Variants in CNTNAP2 observed in about 807,000 individuals in gnomAD.
CNTNAP2 encodes the protein contactin-associated protein-like 2.
CNTNAP2 carries 98 observed loss-of-function variants against 155.2 expected under a neutral mutation model. The observed-to-expected ratio is 0.63, with a 90% CI of 0.54 to 0.75. The LOEUF is 0.75. Among genes scored for constraint, CNTNAP2 ranks in the 30% least tolerant of loss-of-function variants. The probability of loss-of-function intolerance (pLI) is 0.00; values close to 1 mark genes in which losing one functional copy is unlikely to be tolerated. For missense variants in CNTNAP2, 1,727 were observed against 1,688.1 expected, an observed-to-expected ratio of 1.02 and a Z score of -0.40; for synonymous variants, 651 against 631.2, an observed-to-expected ratio of 1.03 and a Z score of -0.47.
intron 13 of CNTNAP2, among the ~76,000 whole-genome samples, chr7:147,739,785 T>C (rs984884855): frequency 7.2e-5 from 11 of 152,106 alleles, no homozygotes; most frequent in African/African-American, 2.7e-4. Context: ...ATATCATCAA[T>C]GAAATATATA....
At chr7:147,662,472 T>C (rs1795627791) in intron 13 of CNTNAP2, among the ~76,000 whole-genome samples, 1 of 152,182 alleles carries the variant, frequency 6.6e-6, no homozygotes, top group African/African-American at 2.4e-5. Context: ...TTGGGAAATG[T>C]AGCTAAGCAA....
chr7:147,735,271 T>C (rs1315493714), intron 13 of CNTNAP2, among the ~76,000 whole-genome samples: 4 of 152,204 alleles, frequency 2.6e-5, no homozygotes, highest in Admixed American at 6.5e-5. Flanking sequence ...GTCTTCATTT[T>C]ATTATGTACT....
intron 13 of CNTNAP2, among the ~76,000 whole-genome samples, chr7:147,772,494 A>ATC: frequency 7.1e-6 from 1 of 141,252 alleles, no homozygotes; most frequent in Admixed American, 7.3e-5. Context: ...ACACACACAA[A>ATC]AAAAAAACCA....
At chr7:146,245,287 CAA>C (rs1326091294) in intron 1 of CNTNAP2, among the ~76,000 whole-genome samples, 2 of 152,014 alleles carry the variant, frequency 1.3e-5, no homozygotes, top group Non-Finnish European at 2.9e-5. Flanking sequence ...GGGCCAGGAA[CAA>C]TGGTAATTGT....
chr7:147,987,882 A>T lies in CNTNAP2; in HGVS notation c.2383+9893A>T, dbSNP rs531571512. 3.3e-5 allele frequency among the ~76,000 whole-genome samples: 5 copies of T among 152,126 alleles called. No individual in the cohort carries two copies. In the South Asian group the frequency reaches 1.0e-3, roughly 32 times the overall value. On this transcript the variant is annotated intron_variant, in intron 15 of 23. Coordinates refer to ENST00000361727, the MANE Select transcript of CNTNAP2 (RefSeq NM_014141.6). ...GCTAATTTTTTTATTTTTAGTAGAG[A>T]CAGGGTTTCACCATGTTGGCCAGGC...
intron 1 of CNTNAP2, among the ~76,000 whole-genome samples, chr7:146,145,340 C>A (rs1009047223): frequency 6.6e-6 from 1 of 152,172 alleles, no homozygotes; most frequent in East Asian, 1.9e-4. Flanking sequence ...CCTGGCCTCT[C>A]TTACTTCCAA....
chr7:148,387,040 T>A (rs1413890576), intron 22 of CNTNAP2, among the ~76,000 whole-genome samples: 1 of 152,174 alleles, frequency 6.6e-6, no homozygotes, highest in African/African-American at 2.4e-5. Flanking sequence ...AGAGAGGACT[T>A]ACGGTAGGTT....
At chr7:146,787,644 T>G (rs1273033573) in intron 2 of CNTNAP2, among the ~76,000 whole-genome samples, 2 of 152,122 alleles carry the variant, frequency 1.3e-5, no homozygotes, top group Non-Finnish European at 1.5e-5. Flanking sequence ...AGAACAAACC[T>G]TCCCCCGCGC....
intron 10 of CNTNAP2, among the ~76,000 whole-genome samples, chr7:147,476,462 G>T (rs1313180230): frequency 6.6e-6 from 1 of 151,904 alleles, no homozygotes; most frequent in Non-Finnish European, 1.5e-5. Flanking sequence ...TTTCCCGTTA[G>T]TAGTGTTTGT....
intron 13 of CNTNAP2, among the ~76,000 whole-genome samples, chr7:147,679,996 A>G (rs146627405): frequency 3.4e-4 from 52 of 151,716 alleles, no homozygotes; most frequent in Non-Finnish European, 6.2e-4. Flanking sequence ...TCCACTGGTT[A>G]CAGATTCCAA....
At chr7:148,389,297 G>A (rs1337763441) in intron 22 of CNTNAP2, among the ~76,000 whole-genome samples, 4 of 152,146 alleles carry the variant, frequency 2.6e-5, no homozygotes, top group African/African-American at 7.2e-5. Context: ...TTTCCATGCT[G>A]TTGTCGTGAC....
At chr7:146,817,373 G>A (rs770467348) in intron 2 of CNTNAP2, among the ~76,000 whole-genome samples, 7 of 152,100 alleles carry the variant, frequency 4.6e-5, no homozygotes, top group Non-Finnish European at 8.8e-5. Context: ...TCAGGAGGCT[G>A]AGGCAGGAGA....
intron 9 of CNTNAP2, among the ~76,000 whole-genome samples, chr7:147,376,575 TAAA>T (rs1055248466): frequency 2.7e-4 from 41 of 152,140 alleles, no homozygotes; most frequent in African/African-American, 9.6e-4. Context: ...TGTGTTGTCT[TAAA>T]ATATTTTTTG....
At chr7:147,367,348 G>C (rs1486197541) in intron 9 of CNTNAP2, among the ~76,000 whole-genome samples, 1 of 152,146 alleles carries the variant, frequency 6.6e-6, no homozygotes, top group South Asian at 2.1e-4. Context: ...GGCAGCTGTT[G>C]TCTCCTTTGC....
chr7:147,266,937 G>C (rs529558957), intron 8 of CNTNAP2, among the ~76,000 whole-genome samples: 1 of 152,228 alleles, frequency 6.6e-6, no homozygotes, highest in Non-Finnish European at 1.5e-5. Context: ...ATAGTGTTAT[G>C]ATTAAATGGC....
intron 13 of CNTNAP2, among the ~76,000 whole-genome samples, chr7:147,865,658 G>A (rs1799214311): frequency 6.6e-6 from 1 of 152,134 alleles, no homozygotes; most frequent in Non-Finnish European, 1.5e-5. Context: ...AGTGTTGGGA[G>A]GGTGTATGTG....
At chr7:147,398,570 G>C (rs949900766) in intron 10 of CNTNAP2, among the ~76,000 whole-genome samples, 3 of 140,820 alleles carry the variant, frequency 2.1e-5, no homozygotes, top group African/African-American at 7.9e-5. Flanking sequence ...TGTTGTATTG[G>C]AATACCCTAC....
intron 21 of CNTNAP2, among the ~76,000 whole-genome samples, chr7:148,383,311 G>T (rs1271665328): frequency 6.6e-6 from 1 of 151,968 alleles, no homozygotes; most frequent in Non-Finnish European, 1.5e-5. Flanking sequence ...AGAGGGTCAG[G>T]GAAGCATCAG....
intron 8 of CNTNAP2, among the ~76,000 whole-genome samples, chr7:147,240,735 AC>A (rs1340349827): frequency 1.3e-5 from 2 of 152,200 alleles, no homozygotes; most frequent in East Asian, 3.9e-4. Context: ...CAGAGTACTG[AC>A]ATCATGTTTA....
Sources: allele counts gnomAD v4.1 joint callset (sites outside exome capture counted in the v4.1 genomes callset), GRCh38; gene constraint gnomAD v4.1.1; transcripts MANE v1.5; gene names NCBI Gene and HGNC (gene_info 2026-07-23, HGNC 2026-07-21).